Variants in FKBP9 observed in about 807,000 individuals in gnomAD.
FKBP9 encodes the protein peptidyl-prolyl cis-trans isomerase FKBP9.
FKBP9 carries 27 observed loss-of-function variants against 55.6 expected under a neutral mutation model. That is an observed-to-expected ratio of 0.49 (90% CI 0.36 to 0.67). The LOEUF (loss-of-function observed/expected upper bound fraction) is 0.67. Ranked by LOEUF, FKBP9 falls within the 30% of genes least tolerant of loss-of-function variation. FKBP9 has a pLI of 0.00. For missense variants in FKBP9, 539 were observed against 742.8 expected, an observed-to-expected ratio of 0.73 and a Z score of 3.19; for synonymous variants, 267 against 296.5, an observed-to-expected ratio of 0.90 and a Z score of 1.02.
chr7:32,977,781 A>G (rs1401657536), intron 4 of FKBP9, among the ~76,000 whole-genome samples: 13 of 26,086 alleles, frequency 5.0e-4, no homozygotes, highest in Non-Finnish European at 6.5e-4. Context: ...TCTCCTTTCT[A>G]TCTCCATATA....
In FKBP9 at chr7:32,988,716, G is replaced by A. The variant is rs112980758; in HGVS notation, c.1039+64G>A. The stretch of plus-strand genomic sequence containing the variant: ...GCTGCTTCCACATTGCTTGAAACAG[G>A]GCTTCTTTTTCTTTTTCTTCTTTCT... On this transcript the variant is annotated intron_variant, in intron 6 of 9. Transcript: ENST00000242209. 562 of 1,512,602 alleles carry A rather than the reference G, an allele frequency of 3.7e-4. 4 individuals are homozygous for A. In the African/African-American group the frequency reaches 6.9e-3, roughly 18 times the overall value. 93.7% of individuals were successfully genotyped at this position (1,512,602 alleles called of 1,614,324 possible). A position where few individuals can be genotyped will look rare whatever the true frequency, so the allele number is the denominator to read the frequency against.
intron 1 of FKBP9, among the ~76,000 whole-genome samples, chr7:32,963,200 C>A (rs1347343093): frequency 6.6e-6 from 1 of 151,812 alleles, no homozygotes; most frequent in Non-Finnish European, 1.5e-5. Flanking sequence ...AGAGTCTGGG[C>A]CTGAGTAGTG....
At chr7:33,004,546 G>A (rs1472366217) in intron 9 of FKBP9, among the ~76,000 whole-genome samples, 1 of 152,112 alleles carries the variant, frequency 6.6e-6, no homozygotes, top group African/African-American at 2.4e-5. Context: ...TCAAGACTTT[G>A]CACAAATCTT....
At chr7:32,977,795 A>C (rs1562567205) in intron 4 of FKBP9, among the ~76,000 whole-genome samples, 1 of 145,598 alleles carries the variant, frequency 6.9e-6, no homozygotes, top group Non-Finnish European at 1.5e-5. Flanking sequence ...CCATATATAT[A>C]TATATACTTA....
intron 4 of FKBP9, chr7:32,979,525 T>G: frequency 6.4e-7 from 1 of 1,550,594 alleles, no homozygotes; most frequent in South Asian, 1.2e-5. Flanking sequence ...AGCTCAGGCT[T>G]GGCGGCATCT....
Position 32,980,378 on chromosome 7 carries a change from G to C in FKBP9, c.718G>C (p.Gly240Arg), listed in dbSNP as rs369631041. 40 of 1,610,920 alleles carry C rather than the reference G, an allele frequency of 2.5e-5. No individual in the cohort carries two copies. The highest frequency in any genetic ancestry group is 3.4e-5 in the Non-Finnish European group (40 of 1,178,186). The change falls in exon 5 of 10, where the codon GGT becomes CGT. Residue 240 changes from glycine (G) to arginine (R), a missense_variant. Coordinates refer to ENST00000242209, the MANE Select transcript of FKBP9 (RefSeq NM_007270.5). ...TTCCATTCTAGGGAAAGACATTCCCGGTCAGGCATCTCTGGTGTTTGATGT... is the reference window on the plus strand; with the variant it reads ...TTCCATTCTAGGGAAAGACATTCCCCGTCAGGCATCTCTGGTGTTTGATGT... ...GEDGDGKDIP[G>R]QASLVFDVAL...
chr7:32,984,396 G>C (rs1358247221), intron 5 of FKBP9, among the ~76,000 whole-genome samples: 1 of 152,072 alleles, frequency 6.6e-6, no homozygotes, highest in Non-Finnish European at 1.5e-5. Flanking sequence ...ATCACCTGTA[G>C]TGATGCAAAA....
rs567594744 is a variant in FKBP9 at position 32,983,440 on chromosome 7, G to A, written c.893+2887G>A. Among the ~76,000 whole-genome samples the A allele has an allele frequency of 7.3e-5, 11 of 151,322 alleles. No individual in the cohort carries two copies. The East Asian group carries it at 1.4e-3, about 19-fold the overall frequency. ...AGTGATTCTCCTGCCTCAGCCTCCC[G>A]AGTAGCTAGGATTACAGGCGCCTGT... On this transcript the variant is annotated intron_variant, in intron 5 of 9. Transcript: ENST00000242209.
chr7:32,972,723 C>G (rs1443388976), intron 1 of FKBP9, among the ~76,000 whole-genome samples: 1 of 152,030 alleles, frequency 6.6e-6, no homozygotes, highest in Non-Finnish European at 1.5e-5. Context: ...CCTGTTCCCC[C>G]CCCACCCTTT....
rs772693978 is a variant in FKBP9 at position 32,975,383 on chromosome 7, C to T, written c.557+12C>T. ...CTGTTTGATTCGAGGTAAGTCCTGTCGTTCATGGCAGTATCAGTGAAATGT... is the reference window on the plus strand; with the variant it reads ...CTGTTTGATTCGAGGTAAGTCCTGTTGTTCATGGCAGTATCAGTGAAATGT... On this transcript the variant is annotated intron_variant, in intron 3 of 9. Transcript: ENST00000242209. The T allele has an allele frequency of 5.0e-6, 8 of 1,610,368 alleles. No individual in the cohort carries two copies. Among genetic ancestry groups the T allele is most frequent in the Non-Finnish European group, 5.9e-6 (7 of 1,176,736 alleles).
chr7:32,996,778 CTTTTTTTTT>C lies in FKBP9; in HGVS notation c.1226+448_1226+456del, dbSNP rs1170596077. Among the ~76,000 whole-genome samples the C allele has an allele frequency of 2.8e-3, 89 of 32,330 alleles. 2 individuals carry two copies. Among genetic ancestry groups the C allele is most frequent in the African/African-American group, 0.012 (78 of 6,720 alleles). The allele number at this position is 32,330 out of a possible 152,430, so 21.2% of individuals were successfully genotyped here. A position where few individuals can be genotyped will look rare whatever the true frequency, so the allele number is the denominator to read the frequency against. ...TTTTTTTTTTTGATAAAGTCTCACT[CTTTTTTTTT>C]TTTTTTTTTTTTTTTTTTGAGACGG... On this transcript the variant is annotated intron_variant, in intron 7 of 9. Coordinates refer to ENST00000242209, the MANE Select transcript of FKBP9 (RefSeq NM_007270.5).
intron 4 of FKBP9, chr7:32,979,457 A>C: frequency 6.9e-7 from 1 of 1,459,560 alleles, no homozygotes; most frequent in Non-Finnish European, 9.4e-7. Flanking sequence ...AGCAGATTTC[A>C]TCATTCCTTG....
rs944322960 is a variant in FKBP9 at position 32,967,609 on chromosome 7, A to G, written c.222-7008A>G. 8.5e-5 allele frequency among the ~76,000 whole-genome samples: 13 copies of G among 152,164 alleles called. 1 individual carries two copies. Among genetic ancestry groups the G allele is most frequent in the African/African-American group, 3.1e-4 (13 of 41,436 alleles). Reference sequence around the variant, plus strand: ...ATATTTCATTGTGTGTGTATACCACATATTTTTTATCCATTTATTTGTCTA... The same window carrying G: ...ATATTTCATTGTGTGTGTATACCACGTATTTTTTATCCATTTATTTGTCTA... On this transcript the variant is annotated intron_variant, in intron 1 of 9. Transcript: ENST00000242209.
chr7:33,003,166 C>A (rs1425008618), intron 9 of FKBP9, among the ~76,000 whole-genome samples: 4 of 152,180 alleles, frequency 2.6e-5, no homozygotes, highest in Non-Finnish European at 5.9e-5. Flanking sequence ...CTCACAGCAG[C>A]TGTTTTTTAG....
chr7:32,999,502 T>G (rs554558423), intron 7 of FKBP9, among the ~76,000 whole-genome samples: 17 of 151,152 alleles, frequency 1.1e-4, no homozygotes, highest in African/African-American at 4.1e-4. Context: ...AGTCTTAGAC[T>G]GCTACAGACA....
At chr7:33,002,963 G>A (rs1202692351) in intron 9 of FKBP9, 124 bp downstream of exon 9, 2 of 855,072 alleles carry the variant, frequency 2.3e-6, no homozygotes, top group African/African-American at 3.4e-5. Flanking sequence ...GGGCTTGTGA[G>A]ATGACCAGCA....
chr7:32,976,389 G>A lies in FKBP9; in HGVS notation c.593G>A (p.Gly198Glu). Residue 198 changes from glycine (G) to glutamate (E), a missense_variant, in exon 4 of 10, where the codon GGA (glycine) becomes GAA (glutamate). Physicochemically the swap from Gly to Glu is moderately conservative, Grantham distance 98. This residue lies in a region of FKBP9 where 29 missense variants were observed against 65.3 expected (regional missense o/e 0.44). Transcript: ENST00000242209. ...NRMKTYDTYV[G>E]IGWLIPGMDK... ...ATGAAAACATATGACACGTATGTGG[G>A]AATTGGCTGGCTGATTCCTGGAATG... The A allele has an allele frequency of 6.2e-7, 1 of 1,613,922 alleles. No individual in the cohort carries two copies. Among genetic ancestry groups the A allele is most frequent in the Non-Finnish European group, 8.5e-7 (1 of 1,179,862 alleles).
At chr7:32,966,352 G>A (rs1359324310) in intron 1 of FKBP9, among the ~76,000 whole-genome samples, 3 of 151,988 alleles carry the variant, frequency 2.0e-5, no homozygotes, top group Admixed American at 6.6e-5. Flanking sequence ...CATCATCAGA[G>A]GGTGCTACAG....
At chr7:32,971,332 A>G (rs1784248874) in intron 1 of FKBP9, among the ~76,000 whole-genome samples, 1 of 152,102 alleles carries the variant, frequency 6.6e-6, no homozygotes, top group Non-Finnish European at 1.5e-5. Context: ...AAATGTATAC[A>G]TTTTCTTTCA....
Sources: allele counts gnomAD v4.1 joint callset (sites outside exome capture counted in the v4.1 genomes callset), GRCh38; gene constraint gnomAD v4.1.1; regional missense constraint gnomAD v4.1.1; transcripts MANE v1.5; gene names NCBI Gene and HGNC (gene_info 2026-07-23, HGNC 2026-07-21).